CYP46A1: variants seen among roughly 807,000 people sequenced by gnomAD.
CYP46A1 encodes the protein cytochrome P450 family 46 subfamily A member 1.
CYP46A1 carries 20 observed loss-of-function variants against 63.3 expected under a neutral mutation model. The observed-to-expected ratio is 0.32, with a 90% confidence interval of 0.22 to 0.46. The LOEUF (loss-of-function observed/expected upper bound fraction) is 0.46, where lower values mean the gene tolerates loss of function less well. Among genes scored for constraint, CYP46A1 ranks in the 20% least tolerant of loss-of-function variants. CYP46A1 has a pLI of 1.00. For missense variants in CYP46A1, 445 were observed against 670.8 expected, an observed-to-expected ratio of 0.66 and a Z score of 3.72; for synonymous variants, 268 against 273.6, an observed-to-expected ratio of 0.98 and a Z score of 0.20.
rs895009029 is a variant in CYP46A1, at chr14:99,695,780, G to C, written c.283-3686G>C. 2.6e-5 allele frequency among the ~76,000 whole-genome samples: 4 copies of C among 151,972 alleles called. No homozygotes were observed. The East Asian group carries it at 7.8e-4, about 30-fold the overall frequency. ...CAAGTAGCTGGGACTACAGGTGCCT[G>C]CCACCATACCCAGCTAATTTTTGTA... On this transcript the variant is annotated intron_variant, in intron 3 of 14. Coordinates refer to ENST00000261835, the MANE Select transcript of CYP46A1 (RefSeq NM_006668.2).
rs900693295 is a variant in CYP46A1, at chr14:99,684,582, G to A, written c.119+46G>A. The A allele has an allele frequency of 1.9e-5, 27 of 1,397,978 alleles. No individual in the cohort carries two copies. The Admixed American group carries it at 5.5e-4, about 29-fold the overall frequency. The allele number at this position is 1,397,978 out of a possible 1,614,324, so 86.6% of individuals were successfully genotyped here. A position where few individuals can be genotyped will look rare whatever the true frequency, so the allele number is the denominator to read the frequency against. On this transcript the variant is annotated intron_variant, in intron 1 of 14. Transcript: ENST00000261835. ...GGCCTGGCTGGGGTGCTGGGACTGG[G>A]GGCCTGGGGACAGCGTCTAAGCCGG... is the stretch of plus-strand genomic sequence containing the variant.
chr14:99,715,583 C>T (rs1004397518), intron 7 of CYP46A1, among the ~76,000 whole-genome samples: 1 of 152,170 alleles, frequency 6.6e-6, no homozygotes, highest in African/African-American at 2.4e-5. Context: ...TAAGCCATCC[C>T]GCCCACCACT....
At chr14:99,702,453 T>C (rs1595191606) in intron 5 of CYP46A1, among the ~76,000 whole-genome samples, 1 of 152,202 alleles carries the variant, frequency 6.6e-6, no homozygotes, top group East Asian at 1.9e-4. Flanking sequence ...TGTTTTCATT[T>C]CTCCTGGGTA....
chr14:99,694,929 G>A (rs1409843533), intron 3 of CYP46A1, among the ~76,000 whole-genome samples: 1 of 152,152 alleles, frequency 6.6e-6, no homozygotes, highest in Non-Finnish European at 1.5e-5. Flanking sequence ...AGCATTTAGA[G>A]CTATACATTT....
At chr14:99,693,798 A>G (rs953853824) in intron 3 of CYP46A1, 1 of 152,172 alleles carries the variant, frequency 6.6e-6, no homozygotes, top group Admixed American at 6.5e-5. Context: ...AATTTTGTTT[A>G]CATTGTATGT....
intron 10 of CYP46A1, among the ~76,000 whole-genome samples, chr14:99,719,761 C>CT (rs55891116): frequency 4.6e-4 from 54 of 118,024 alleles, no homozygotes; most frequent in African/African-American, 1.3e-3. Flanking sequence ...TTTTTCTTTT[C>CT]TTTTTTTTTT....
chr14:99,701,831 G>A (rs1400599623), intron 5 of CYP46A1, among the ~76,000 whole-genome samples: 1 of 152,066 alleles, frequency 6.6e-6, no homozygotes, highest in African/African-American at 2.4e-5. Context: ...GCACTTTGGG[G>A]GGCCAAGGCA....
At chr14:99,726,348 G>A (rs961792826) in intron 14 of CYP46A1, 92 bp downstream of exon 14, 9 of 1,301,776 alleles carry the variant, frequency 6.9e-6, no homozygotes, top group Non-Finnish European at 9.6e-6. Context: ...CCCCTGCTCT[G>A]GGGCTGCTGG....
chr14:99,725,308 G>T lies in CYP46A1; in HGVS notation c.1177-83G>T. On this transcript the variant is annotated intron_variant, in intron 12 of 14. Transcript: ENST00000261835. The surrounding 1 kb of genome is among the most constrained non-coding windows in gnomAD (Gnocchi z 4.2). ...AGTGGGACCCACTCTGCTCTGAGTAGCCCTGTTGGGTGGCCTCAGTGGCTC... is the reference window on the plus strand; with the variant it reads ...AGTGGGACCCACTCTGCTCTGAGTATCCCTGTTGGGTGGCCTCAGTGGCTC... 1 of 1,051,368 alleles carries T rather than the reference G, an allele frequency of 9.5e-7. No homozygotes were observed. The highest frequency in any genetic ancestry group is 1.5e-6 in the Non-Finnish European group (1 of 673,982). 65.1% of individuals were successfully genotyped at this position (1,051,368 alleles called of 1,614,324 possible).
intron 11 of CYP46A1, 63 bp from the exon 12 acceptor site, chr14:99,721,893 C>A: frequency 7.1e-7 from 1 of 1,403,600 alleles, no homozygotes; most frequent in Non-Finnish European, 1.0e-6. Context: ...GGCATGCCGC[C>A]GGCCGGCATG....
At chr14:99,687,691 G>A (rs998333639) in intron 1 of CYP46A1, among the ~76,000 whole-genome samples, 14 of 152,186 alleles carry the variant, frequency 9.2e-5, no homozygotes, top group African/African-American at 3.4e-4. Flanking sequence ...CTGCCCACAG[G>A]AGAGCTTGGG....
chr14:99,718,470 G>A (rs7152354), intron 10 of CYP46A1, among the ~76,000 whole-genome samples: 1,762 of 152,334 alleles, frequency 0.012, 24 homozygotes, highest in African/African-American at 0.041. Context: ...CAGGGACCGT[G>A]GTTTTTTCCC....
intron 10 of CYP46A1, among the ~76,000 whole-genome samples, chr14:99,718,686 G>T (rs7157032): frequency 0.39 from 59,346 of 151,866 alleles, 12,072 homozygotes; most frequent in South Asian, 0.48. Flanking sequence ...CTGAAGCAAG[G>T]GTCAAAGCTC....
chr14:99,692,337 AT>A (rs1364361966), intron 3 of CYP46A1, among the ~76,000 whole-genome samples: 3 of 152,266 alleles, frequency 2.0e-5, no homozygotes, highest in Non-Finnish European at 2.9e-5. Context: ...AGGGACTCTT[AT>A]TAGTCCCTTG....
chr14:99,684,341 A>C lies in CYP46A1; in HGVS notation c.-77A>C. ...GGCCGAGGCGGCGCGCGGCGCTGAC[A>C]GCTGAGTCGGCTCGCGGCCTCCCGG... On this transcript the variant is annotated 5_prime_UTR_variant, in exon 1 of 15. Transcript: ENST00000261835. 1.1e-6 allele frequency: 1 copy of C among 885,086 alleles called. No individual in the cohort carries two copies. The highest frequency in any genetic ancestry group is 1.5e-6 in the Non-Finnish European group (1 of 680,066). 54.8% of individuals were successfully genotyped at this position (885,086 alleles called of 1,614,324 possible).
At chr14:99,703,436 A>G (rs1035079113) in intron 5 of CYP46A1, among the ~76,000 whole-genome samples, 8 of 152,078 alleles carry the variant, frequency 5.3e-5, no homozygotes, top group African/African-American at 1.9e-4. Flanking sequence ...GAAGCCTTCA[A>G]TGGCTTCCTA....
chr14:99,711,090 A>T (rs1343253423), intron 7 of CYP46A1: 1 of 152,128 alleles, frequency 6.6e-6, no homozygotes, highest in Non-Finnish European at 1.5e-5. Flanking sequence ...AGAAGGAAAT[A>T]AAAAAATTCT....
Position 99,726,866 on chromosome 14 carries a change from A to C in CYP46A1, c.*139A>C. Reference sequence around the variant, plus strand: ...CTGGCTTCCAGCGGGCCCTCTGCCGACCGCCTGCTTCACACCCCTCAGCGC... The same window carrying C: ...CTGGCTTCCAGCGGGCCCTCTGCCGCCCGCCTGCTTCACACCCCTCAGCGC... On this transcript the variant is annotated 3_prime_UTR_variant, in exon 15 of 15. Coordinates refer to ENST00000261835, the MANE Select transcript of CYP46A1 (RefSeq NM_006668.2). 1.5e-6 allele frequency: 1 copy of C among 665,146 alleles called. No individual in the cohort carries two copies. Among genetic ancestry groups the C allele is most frequent in the Non-Finnish European group, 2.3e-6 (1 of 428,636 alleles). 41.2% of individuals were successfully genotyped at this position (665,146 alleles called of 1,614,324 possible).
chr14:99,726,799 C>A lies in CYP46A1; in HGVS notation c.*72C>A, dbSNP rs997207714. Reference sequence around the variant, plus strand: ...GCCCACCTCTGCTGCCCACGGCCACCCACCCTTCTCCCCTGCCCCGTCCCC... The same window carrying A: ...GCCCACCTCTGCTGCCCACGGCCACACACCCTTCTCCCCTGCCCCGTCCCC... On this transcript the variant is annotated 3_prime_UTR_variant, in exon 15 of 15. Coordinates refer to ENST00000261835, the MANE Select transcript of CYP46A1 (RefSeq NM_006668.2). 17 of 1,275,800 alleles carry A rather than the reference C, an allele frequency of 1.3e-5. No individual in the cohort carries two copies. The African/African-American group carries it at 2.6e-4, about 19-fold the overall frequency. 79.0% of individuals were successfully genotyped at this position (1,275,800 alleles called of 1,614,324 possible).
Sources: gnomAD v4.1 joint callset for allele counts (sites outside exome capture counted in the v4.1 genomes callset) on GRCh38, gnomAD v4.1.1 for gene constraint, Gnocchi (gnomAD v3.1) non-coding constraint, MANE v1.5 for transcripts, NCBI Gene and HGNC (gene_info 2026-07-23, HGNC 2026-07-21) for gene names.